Variants in FAF1 observed in about 807,000 individuals in gnomAD.
FAF1 encodes the protein FAS-associated factor 1.
Under a neutral mutation model 92.5 loss-of-function variants are expected in FAF1, and 25 were observed. The observed-to-expected ratio is 0.27, with a 90% confidence interval of 0.20 to 0.38. The LOEUF is 0.38. Ranked by LOEUF, FAF1 falls within the 10% of genes least tolerant of loss-of-function variation. The probability of loss-of-function intolerance (pLI) is 1.00; values close to 1 mark genes in which losing one functional copy is unlikely to be tolerated. For missense variants in FAF1, 636 were observed against 793.3 expected (o/e 0.80, Z 2.38); for synonymous variants, 234 against 273.2 (o/e 0.86, Z 1.42).
chr1:50,528,332 C>A (rs946084242), intron 15 of FAF1, among the ~76,000 whole-genome samples: 1 of 152,060 alleles, frequency 6.6e-6, no homozygotes, highest in African/African-American at 2.4e-5. Flanking sequence ...AGATTTTTTA[C>A]TTTAGTGATA....
At chr1:50,954,540 ATTTT>A (rs199964324) in intron 1 of FAF1, among the ~76,000 whole-genome samples, 22 of 120,366 alleles carry the variant, frequency 1.8e-4, no homozygotes, top group South Asian at 5.6e-4. Context: ...AAAAATTTTG[ATTTT>A]TTTTTTTTTT....
At chr1:50,959,554 C>T (rs1054068429) in intron 1 of FAF1, 6 of 361,046 alleles carry the variant, frequency 1.7e-5, no homozygotes, top group Admixed American at 9.6e-5. Flanking sequence ...CAATCCCATT[C>T]AACCCGTACT....
chr1:50,483,341 T>C (rs7529931), intron 17 of FAF1, among the ~76,000 whole-genome samples: 21 of 152,152 alleles, frequency 1.4e-4, no homozygotes, highest in Admixed American at 1.3e-4. Context: ...CTGGACTCCA[T>C]TGATTCATGG....
rs180914182 is a variant in FAF1 at position 50,705,717 on chromosome 1, C to T, written c.657+69G>A. The T allele has an allele frequency of 4.6e-5, 38 of 827,746 alleles. No homozygotes were observed. The African/African-American group carries it at 6.3e-4, about 14-fold the overall frequency. The allele number at this position is 827,746 out of a possible 1,614,324, so 51.3% of individuals were successfully genotyped here. On this transcript the variant is annotated intron_variant, in intron 7 of 18. Coordinates refer to ENST00000396153, the MANE Select transcript of FAF1 (RefSeq NM_007051.3). ...GAATTTCCAACCAGAACAGATAAGC[C>T]CTCTTTAACAGGGTCAACATTAGCT... is the stretch of plus-strand genomic sequence containing the variant.
chr1:50,960,012 G>A lies in FAF1; in HGVS notation c.-201C>T, dbSNP rs1397683688. The A allele has an allele frequency of 2.5e-6, 1 of 394,868 alleles. No individual in the cohort carries two copies. The highest frequency in any genetic ancestry group is 4.5e-5 in the Admixed American group (1 of 22,462). 24.5% of individuals were successfully genotyped at this position (394,868 alleles called of 1,614,324 possible). On this transcript the variant is annotated 5_prime_UTR_variant, in exon 1 of 19. Coordinates refer to ENST00000396153, the MANE Select transcript of FAF1 (RefSeq NM_007051.3). Reference sequence around the variant, plus strand: ...CGCTCATGCACTCGGTAACCTTCAGGCGCCCCGGCCGCCCGCCTGCAACCT... The same window carrying A: ...CGCTCATGCACTCGGTAACCTTCAGACGCCCCGGCCGCCCGCCTGCAACCT...
At chr1:50,620,364 G>T (rs1653136610) in intron 8 of FAF1, among the ~76,000 whole-genome samples, 2 of 152,170 alleles carry the variant, frequency 1.3e-5, no homozygotes, top group South Asian at 2.1e-4. Context: ...GTTCATACTT[G>T]TATTGTATTA....
chr1:50,710,622 A>G (rs1171596263), intron 6 of FAF1, among the ~76,000 whole-genome samples: 3 of 150,750 alleles, frequency 2.0e-5, no homozygotes, highest in Non-Finnish European at 4.4e-5. Flanking sequence ...TTTTTTTTCG[A>G]GACAGAGTCT....
At chr1:50,557,139 C>T (rs888336955) in intron 13 of FAF1, among the ~76,000 whole-genome samples, 2 of 152,102 alleles carry the variant, frequency 1.3e-5, no homozygotes, top group East Asian at 3.9e-4. Flanking sequence ...CATAACCTTG[C>T]CTCATTCCTT....
At chr1:50,498,425 C>T (rs1028600859) in intron 15 of FAF1, among the ~76,000 whole-genome samples, 1 of 152,076 alleles carries the variant, frequency 6.6e-6, no homozygotes, top group Non-Finnish European at 1.5e-5. Context: ...CAAAATTAAA[C>T]CTTTTTCACT....
chr1:50,442,575 C>T (rs1646182332), intron 18 of FAF1, among the ~76,000 whole-genome samples: 2 of 152,224 alleles, frequency 1.3e-5, no homozygotes, highest in African/African-American at 2.4e-5. Context: ...GATGGGAGGG[C>T]AAGCAATCTC....
At chr1:50,928,217 A>C (rs1645021050) in intron 1 of FAF1, among the ~76,000 whole-genome samples, 1 of 152,188 alleles carries the variant, frequency 6.6e-6, no homozygotes, top group Admixed American at 6.5e-5. Flanking sequence ...AATTTTTCTG[A>C]AATGGCAAAA....
intron 15 of FAF1, among the ~76,000 whole-genome samples, chr1:50,493,876 C>T (rs1004165383): frequency 2.0e-5 from 3 of 152,118 alleles, no homozygotes; most frequent in Non-Finnish European, 2.9e-5. Flanking sequence ...ACGTAAAAAA[C>T]GGACCTTCTA....
intron 1 of FAF1, among the ~76,000 whole-genome samples, chr1:50,885,612 T>C (rs1032928775): frequency 2.6e-5 from 4 of 152,168 alleles, no homozygotes; most frequent in Non-Finnish European, 5.9e-5. Flanking sequence ...CAACAGACCA[T>C]TTGGGTCTTG....
chr1:50,655,863 TTTAA>T (rs1330907910), intron 7 of FAF1, among the ~76,000 whole-genome samples: 2 of 152,194 alleles, frequency 1.3e-5, no homozygotes, highest in African/African-American at 4.8e-5. Flanking sequence ...TTATAATTTA[TTTAA>T]TCGTAAAAAT....
At chr1:50,907,705 T>C (rs1176121290) in intron 1 of FAF1, among the ~76,000 whole-genome samples, 1 of 152,220 alleles carries the variant, frequency 6.6e-6, no homozygotes, top group Non-Finnish European at 1.5e-5. Flanking sequence ...AGTTTGCATT[T>C]CTGTGGGATT....
At chr1:50,795,842 G>A (rs569812769) in intron 3 of FAF1, among the ~76,000 whole-genome samples, 2 of 152,204 alleles carry the variant, frequency 1.3e-5, no homozygotes, top group Non-Finnish European at 2.9e-5. Context: ...TTACCACCTA[G>A]GGAAGGAGTA....
At chr1:50,816,274 G>T (rs1190336556) in intron 2 of FAF1, among the ~76,000 whole-genome samples, 1 of 142,686 alleles carries the variant, frequency 7.0e-6, no homozygotes, top group Non-Finnish European at 1.5e-5. Context: ...GCGCGATCTC[G>T]GCTCACTGCA....
chr1:50,732,063 A>G (rs1658947657), intron 6 of FAF1, among the ~76,000 whole-genome samples: 1 of 151,554 alleles, frequency 6.6e-6, no homozygotes, highest in East Asian at 1.9e-4. Flanking sequence ...TAAATACATT[A>G]TTATTATTAT....
chr1:50,856,579 T>C (rs1644391831), intron 2 of FAF1, among the ~76,000 whole-genome samples: 1 of 151,806 alleles, frequency 6.6e-6, no homozygotes, highest in Admixed American at 6.6e-5. Context: ...ATCAAAAATA[T>C]ACATAGTTGG....
Sources: allele counts gnomAD v4.1 joint callset (sites outside exome capture counted in the v4.1 genomes callset), GRCh38; gene constraint gnomAD v4.1.1; transcripts MANE v1.5; gene names NCBI Gene and HGNC (gene_info 2026-07-23, HGNC 2026-07-21).